GOLGA5: variants seen among roughly 807,000 people sequenced by gnomAD.
GOLGA5 encodes the protein golgin subfamily A member 5.
GOLGA5 carries 50 observed loss-of-function variants against 93.5 expected under a neutral mutation model. The ratio of observed to expected loss-of-function variants is 0.53; its 90% CI spans 0.43 to 0.68. GOLGA5 has a LOEUF of 0.68. Among genes scored for constraint, GOLGA5 ranks in the 30% least tolerant of loss-of-function variants. The probability of loss-of-function intolerance (pLI) is 0.00; values close to 1 mark genes in which losing one functional copy is unlikely to be tolerated. For synonymous variants in GOLGA5, 312 were observed against 304.5 expected (o/e 1.02, Z -0.26); for missense variants, 760 against 856.4 (o/e 0.89, Z 1.40).
At chr14:92,816,510 G>A (rs759810750) in intron 7 of GOLGA5, 89 bp downstream of exon 7, 14 of 1,074,340 alleles carry the variant, frequency 1.3e-5, no homozygotes, top group South Asian at 8.7e-5. Flanking sequence ...TTACTAAAGC[G>A]ATAGGTTTCT....
intron 8 of GOLGA5, among the ~76,000 whole-genome samples, chr14:92,822,990 A>G (rs376476857): frequency 3.9e-5 from 6 of 152,228 alleles, no homozygotes; most frequent in South Asian, 2.1e-4. Context: ...CAACTTTATC[A>G]TTCTTTTCTA....
intron 4 of GOLGA5, 102 bp downstream of exon 4, chr14:92,809,621 A>G (rs1395188342): frequency 2.7e-6 from 2 of 732,806 alleles, no homozygotes; most frequent in Non-Finnish European, 4.6e-6. Context: ...TACAAGAGGG[A>G]ATATTTCTTT....
rs34515753 is a variant in GOLGA5 at position 92,809,369 on chromosome 14, G to A, written c.842G>A (p.Arg281Gln). ...CATTCAAAGAGTGATCGAATGACTCGAGGACTCCGAGCCCAAGTAGATGAC... is the reference window on the plus strand; with the variant it reads ...CATTCAAAGAGTGATCGAATGACTCAAGGACTCCGAGCCCAAGTAGATGAC... ...ADHSKSDRMT[R>Q]GLRAQVDDLT... is the part of the protein sequence containing the mutation. Residue 281 changes from arginine to glutamine, a missense_variant, in exon 4 of 13, where the codon CGA (arginine) becomes CAA (glutamine). Arg to Gln is a conservative substitution (Grantham distance 43). Coordinates refer to ENST00000163416, the MANE Select transcript of GOLGA5 (RefSeq NM_005113.4). 8,194 of 1,613,404 alleles carry A rather than the reference G, an allele frequency of 5.1e-3. 31 individuals are homozygous for A. Among genetic ancestry groups the A allele is most frequent in the Non-Finnish European group, 6.5e-3 (7,708 of 1,179,406 alleles).
intron 4 of GOLGA5, 113 bp downstream of exon 4, chr14:92,809,632 T>C: frequency 1.4e-6 from 1 of 704,750 alleles, no homozygotes; most frequent in Non-Finnish European, 2.4e-6. Flanking sequence ...ATATTTCTTT[T>C]GGTAGTGTTA....
intron 9 of GOLGA5, among the ~76,000 whole-genome samples, chr14:92,828,662 A>C (rs1157382319): frequency 6.6e-6 from 1 of 152,120 alleles, no homozygotes; most frequent in Non-Finnish European, 1.5e-5. Flanking sequence ...AATTAAATTA[A>C]TTAATTTATT....
At chr14:92,830,221 G>C (rs1311165461) in intron 9 of GOLGA5, among the ~76,000 whole-genome samples, 1 of 152,162 alleles carries the variant, frequency 6.6e-6, no homozygotes, top group East Asian at 1.9e-4. Context: ...AGGAGGCTGA[G>C]GCAGGAGAAT....
At chr14:92,829,262 G>A (rs1381427122) in intron 9 of GOLGA5, among the ~76,000 whole-genome samples, 5 of 152,044 alleles carry the variant, frequency 3.3e-5, no homozygotes, top group South Asian at 2.1e-4. Flanking sequence ...TGTGCCTGGC[G>A]AGTCTTATCA....
intron 7 of GOLGA5, among the ~76,000 whole-genome samples, chr14:92,818,071 T>G (rs574837429): frequency 6.6e-6 from 1 of 152,254 alleles, no homozygotes; most frequent in South Asian, 2.1e-4. Context: ...ACTTAGAAAT[T>G]GGGTAGATGC....
Position 92,837,407 on chromosome 14 carries a change from C to T in GOLGA5, c.2073C>T (p.Leu691=), listed in dbSNP as rs1227928282. The T allele has an allele frequency of 6.4e-7, 1 of 1,550,626 alleles. No individual in the cohort carries two copies. Among genetic ancestry groups the T allele is most frequent in the Admixed American group, 1.7e-5 (1 of 59,764 alleles). The change falls in exon 12 of 13, where the codon CTC becomes CTT. Residue 691 remains leucine (L), a synonymous_variant. Transcript: ENST00000163416. ...ACAGTATTCGCCTGGGAATTTTTCT[C>T]CGAAGATACCCCATAGCGCGAGTTT... The part of the protein sequence containing the change: ...DQFSIRLGIF[L]RRYPIARVFV...
chr14:92,838,754 G>A (rs528751494), intron 12 of GOLGA5, among the ~76,000 whole-genome samples: 1 of 152,298 alleles, frequency 6.6e-6, no homozygotes, highest in South Asian at 2.1e-4. Flanking sequence ...CCCCAGAGGG[G>A]TTGATTTCCC....
intron 8 of GOLGA5, among the ~76,000 whole-genome samples, chr14:92,820,852 A>G (rs1370035404): frequency 6.6e-6 from 1 of 152,236 alleles, no homozygotes; most frequent in Non-Finnish European, 1.5e-5. Flanking sequence ...GGTTGGGGCA[A>G]AGTTACAGAT....
chr14:92,794,492 G>A (rs1408609392), intron 1 of GOLGA5, 36 bp downstream of exon 1: 1 of 152,490 alleles, frequency 6.6e-6, no homozygotes, highest in Non-Finnish European at 1.5e-5. Flanking sequence ...GACGAGACGG[G>A]GGTGTTAACG....
rs766365457 is a variant in GOLGA5 at position 92,797,432 on chromosome 14, G to C, written c.-6G>C. Reference sequence around the variant, plus strand: ...GGTTTGCCAATAGGATTATCCTGCTGCCATCATGTCTTGGTTTGTTGATCT... The same window carrying C: ...GGTTTGCCAATAGGATTATCCTGCTCCCATCATGTCTTGGTTTGTTGATCT... On this transcript the variant is annotated 5_prime_UTR_variant, in exon 2 of 13. Coordinates refer to ENST00000163416, the MANE Select transcript of GOLGA5 (RefSeq NM_005113.4). 10 of 1,595,766 alleles carry C rather than the reference G, an allele frequency of 6.3e-6. No homozygotes were observed. The highest frequency in any genetic ancestry group is 1.3e-5 in the African/African-American group (1 of 74,248).
At chr14:92,813,322 A>T (rs1344636894) in intron 6 of GOLGA5, among the ~76,000 whole-genome samples, 1 of 152,238 alleles carries the variant, frequency 6.6e-6, no homozygotes, top group Non-Finnish European at 1.5e-5. Flanking sequence ...CATTCATCTT[A>T]GTGGAAAGAA....
chr14:92,826,795 A>G (rs1885432529), intron 9 of GOLGA5, among the ~76,000 whole-genome samples: 1 of 152,140 alleles, frequency 6.6e-6, no homozygotes, highest in Non-Finnish European at 1.5e-5. Flanking sequence ...CCCTAATTAG[A>G]CTTGCAAAGT....
intron 2 of GOLGA5, among the ~76,000 whole-genome samples, chr14:92,805,381 A>G (rs924105920): frequency 4.6e-5 from 7 of 152,030 alleles, no homozygotes; most frequent in African/African-American, 1.5e-4. Context: ...ACCACAGTTT[A>G]TCTATTCTCT....
intron 5 of GOLGA5, among the ~76,000 whole-genome samples, chr14:92,811,077 A>G (rs1480730210): frequency 6.6e-6 from 1 of 152,258 alleles, no homozygotes; most frequent in African/African-American, 2.4e-5. Flanking sequence ...TTATTTCAAT[A>G]TGTAGTCAAT....
intron 2 of GOLGA5, among the ~76,000 whole-genome samples, chr14:92,804,054 G>A (rs1884930570): frequency 1.3e-5 from 2 of 151,932 alleles, no homozygotes; most frequent in African/African-American, 4.8e-5. Flanking sequence ...GGTTTGTTCT[G>A]CTGTTTTTAT....
intron 1 of GOLGA5, among the ~76,000 whole-genome samples, chr14:92,795,357 A>G (rs1435553654): frequency 1.3e-5 from 2 of 152,204 alleles, no homozygotes; most frequent in African/African-American, 4.8e-5. Flanking sequence ...TTAAAGGATG[A>G]GTTTCTTCTT....
Sources: allele counts gnomAD v4.1 joint callset (sites outside exome capture counted in the v4.1 genomes callset), GRCh38; gene constraint gnomAD v4.1.1; transcripts MANE v1.5; gene names NCBI Gene and HGNC (gene_info 2026-07-23, HGNC 2026-07-21).